Variants in VPS13D observed in about 807,000 individuals in gnomAD.
VPS13D encodes vacuolar protein sorting 13 homolog D.
A neutral mutation model predicts 461.9 loss-of-function variants in VPS13D; 187 were observed. The ratio of observed to expected loss-of-function variants is 0.40; its 90% CI spans 0.36 to 0.46. VPS13D has a LOEUF of 0.46. Among genes scored for constraint, VPS13D ranks in the 20% least tolerant of loss-of-function variants. The pLI is 0.60. For missense variants in VPS13D, 4,711 were observed against 5,364.9 expected (o/e 0.88, Z 3.81); for synonymous variants, 1,951 against 1,986.3 (o/e 0.98, Z 0.47).
intron 65 of VPS13D, among the ~76,000 whole-genome samples, chr1:12,417,621 C>T (rs981213879): frequency 1.2e-4 from 18 of 152,096 alleles, no homozygotes; most frequent in African/African-American, 3.9e-4. Flanking sequence ...GGTGTACTTG[C>T]GCCACAGGGT....
intron 67 of VPS13D, among the ~76,000 whole-genome samples, chr1:12,492,063 G>A (rs781713223): frequency 3.3e-5 from 5 of 152,170 alleles, no homozygotes; most frequent in Admixed American, 6.5e-5. Flanking sequence ...CCTCTTGTTC[G>A]GTGATCCATT....
rs1423249698 is a variant in VPS13D, at chr1:12,253,601, T to C, written c.565-121T>C. ...GCAGAAGCATGTTTTAATTGAGTTA[T>C]ATGTCCACAGCACCTTGCAAAGTAC... On this transcript the variant is annotated intron_variant, in intron 6 of 69. Transcript: ENST00000620676. 5.5e-6 allele frequency: 4 copies of C among 726,100 alleles called. No homozygotes were observed. In the East Asian group the frequency reaches 1.1e-4, roughly 20 times the overall value. The allele number at this position is 726,100 out of a possible 1,614,324, so 45.0% of individuals were successfully genotyped here.
At chr1:12,460,593 G>C (rs1645396829) in intron 67 of VPS13D, among the ~76,000 whole-genome samples, 197 bp downstream of exon 67, 1 of 150,754 alleles carries the variant, frequency 6.6e-6, no homozygotes, top group African/African-American at 2.4e-5. Context: ...AATTTTTTCA[G>C]ATAAATATAT....
At chr1:12,481,101 A>G (rs542812026) in intron 67 of VPS13D, among the ~76,000 whole-genome samples, 16 of 152,336 alleles carry the variant, frequency 1.1e-4, no homozygotes, top group East Asian at 5.8e-4. Flanking sequence ...TCTAGAGCAC[A>G]GGCTTTGTGT....
At chr1:12,298,926 C>T (rs1451039121) in intron 24 of VPS13D, among the ~76,000 whole-genome samples, 1 of 151,982 alleles carries the variant, frequency 6.6e-6, no homozygotes, top group Non-Finnish European at 1.5e-5. Flanking sequence ...TTATGTCTTC[C>T]TTATCATTTT....
intron 29 of VPS13D, 82 bp from the exon 30 acceptor site, chr1:12,314,033 C>T: frequency 7.9e-7 from 1 of 1,268,280 alleles, no homozygotes; most frequent in South Asian, 1.3e-5. Flanking sequence ...TTTGATTTTG[C>T]TCGTTATCTC....
At chr1:12,323,975 C>T (rs902854818) in intron 35 of VPS13D, among the ~76,000 whole-genome samples, 195 bp downstream of exon 35, 2 of 152,128 alleles carry the variant, frequency 1.3e-5, no homozygotes, top group Non-Finnish European at 2.9e-5. Flanking sequence ...GTGGCGCCAC[C>T]TCAGCTCACT....
Position 12,276,036 on chromosome 1 carries a change from G to T in VPS13D, c.2448G>T (p.Arg816Ser), listed in dbSNP as rs1281278122. ...TAATGAGCACAAAGATGTATGAGAG[G>T]TACTCGCTGTCATTTATGGACCTCC... ...AHLMSTKMYE[R>S]YSLSFMDLQI... Residue 816 changes from arginine to serine, a missense_variant, in exon 19 of 70, where the codon AGG (arginine) becomes AGT (serine). This residue lies in a region of VPS13D where 4,411 missense variants were observed against 4,937.8 expected (regional missense o/e 0.89). Coordinates refer to ENST00000620676, the MANE Select transcript of VPS13D (RefSeq NM_015378.4). This position sits in a 1 kb window ranked among gnomAD's most constrained non-coding sequence, Gnocchi z 4.5. 6.2e-7 allele frequency: 1 copy of T among 1,614,066 alleles called. No homozygotes were observed. Among genetic ancestry groups the T allele is most frequent in the Non-Finnish European group, 8.5e-7 (1 of 1,180,028 alleles).
chr1:12,277,607 T>C lies in VPS13D; in HGVS notation c.4019T>C (p.Val1340Ala). The C allele has an allele frequency of 6.2e-7, 1 of 1,613,978 alleles. No individual in the cohort carries two copies. Among genetic ancestry groups the C allele is most frequent in the Non-Finnish European group, 8.5e-7 (1 of 1,180,020 alleles). Residue 1340 changes from valine to alanine, a missense_variant, in exon 19 of 70, where the codon GTA becomes GCA. By Grantham distance (64) the Val-to-Ala change is moderately conservative. Coordinates refer to ENST00000620676, the MANE Select transcript of VPS13D (RefSeq NM_015378.4). ...ATKTAEYSEM[V>A]SLFETPRKTR... Reference sequence around the variant, plus strand: ...AAGACTGCCGAGTATAGCGAGATGGTATCGCTCTTTGAAACTCCAAGGAAG... The same window carrying C: ...AAGACTGCCGAGTATAGCGAGATGGCATCGCTCTTTGAAACTCCAAGGAAG...
At chr1:12,384,793 T>C (rs1003603209) in intron 58 of VPS13D, among the ~76,000 whole-genome samples, 2 of 152,162 alleles carry the variant, frequency 1.3e-5, no homozygotes, top group Admixed American at 6.5e-5. Context: ...TAATTACTTT[T>C]CATTTTTTGT....
chr1:12,321,779 A>G lies in VPS13D; in HGVS notation c.7549-30A>G. 1.9e-6 allele frequency: 3 copies of G among 1,582,306 alleles called. No homozygotes were observed. In the African/African-American group the frequency reaches 4.1e-5, roughly 22 times the overall value. ...TGGACCCTTCCTAAATCAGACATTA[A>G]TTCTCGCCATATTGCATTTCATTCT... is the stretch of plus-strand genomic sequence containing the variant. On this transcript the variant is annotated intron_variant, in intron 32 of 69. Transcript: ENST00000620676.
intron 47 of VPS13D, among the ~76,000 whole-genome samples, chr1:12,354,981 G>A (rs1321781607): frequency 6.6e-6 from 1 of 152,222 alleles, no homozygotes; most frequent in Admixed American, 6.5e-5. Context: ...AGCAGATTCA[G>A]AGAGACTCCA....
intron 27 of VPS13D, among the ~76,000 whole-genome samples, chr1:12,308,991 G>T (rs1032932081): frequency 3.9e-5 from 6 of 152,106 alleles, no homozygotes; most frequent in Non-Finnish European, 5.9e-5. Flanking sequence ...GAATCTTAAC[G>T]TGGAAATCAG....
At position 12,456,027 on chromosome 1, in the gene VPS13D, G is replaced by A. The variant is rs754639157; in HGVS notation, c.12363G>A (p.Gly4121=). 1.2e-6 allele frequency: 2 copies of A among 1,613,302 alleles called. No homozygotes were observed. The highest frequency in any genetic ancestry group is 1.7e-6 in the Non-Finnish European group (2 of 1,179,664). The change falls in exon 66 of 70, where the codon GGG becomes GGA. Residue 4121 remains glycine (G), a synonymous_variant. Coordinates refer to ENST00000620676, the MANE Select transcript of VPS13D (RefSeq NM_015378.4). ...KFAGTLSDGL[G]KTMDNRHQSE... ...CTGGAACATTATCAGATGGCTTAGG[G>A]AAGACGATGGACAATCGGCATCAGT...
In VPS13D at chr1:12,473,009, A is replaced by G. The variant is rs1248496502; in HGVS notation, c.12662+12613A>G. Among the ~76,000 whole-genome samples, 1 of 152,184 alleles carries G rather than the reference A, an allele frequency of 6.6e-6. No individual in the cohort carries two copies. Among genetic ancestry groups the G allele is most frequent in the Admixed American group, 6.5e-5 (1 of 15,276 alleles). On this transcript the variant is annotated intron_variant, in intron 67 of 69. Transcript: ENST00000620676. This position sits in a 1 kb window ranked among gnomAD's most constrained non-coding sequence, Gnocchi z 4.2. ...CTCATTCTGTGTGTTGTAAAGAAACAGGTTGTGGAAGGCTCTTGTCAGATC... is the reference window on the plus strand; with the variant it reads ...CTCATTCTGTGTGTTGTAAAGAAACGGGTTGTGGAAGGCTCTTGTCAGATC...
chr1:12,265,187 T>C (rs1641230272), intron 13 of VPS13D, among the ~76,000 whole-genome samples: 1 of 152,238 alleles, frequency 6.6e-6, no homozygotes, highest in Non-Finnish European at 1.5e-5. Context: ...TCAAGAGCTC[T>C]GCTGGGAGAA....
chr1:12,280,500 C>CTTTT (rs774648603), intron 20 of VPS13D, among the ~76,000 whole-genome samples: 1 of 139,790 alleles, frequency 7.2e-6, no homozygotes, highest in Admixed American at 7.4e-5. Flanking sequence ...TGTTGACTTA[C>CTTTT]TTTTTTTTTT....
chr1:12,392,486 A>G (rs913982920), intron 60 of VPS13D, among the ~76,000 whole-genome samples: 1 of 151,810 alleles, frequency 6.6e-6, no homozygotes, highest in Admixed American at 6.6e-5. Context: ...TCAAAAAAAA[A>G]AAGTCCGTGA....
intron 50 of VPS13D, among the ~76,000 whole-genome samples, chr1:12,361,371 T>A (rs183417455): frequency 2.8e-5 from 4 of 142,180 alleles, no homozygotes; most frequent in African/African-American, 1.1e-4. Flanking sequence ...TTATTTTTAT[T>A]TTTATTTATT....
Sources: gnomAD v4.1 joint callset for allele counts (sites outside exome capture counted in the v4.1 genomes callset) on GRCh38, gnomAD v4.1.1 for gene constraint, gnomAD v4.1.1 regional missense constraint, Gnocchi (gnomAD v3.1) non-coding constraint, MANE v1.5 for transcripts, NCBI Gene and HGNC (gene_info 2026-07-23, HGNC 2026-07-21) for gene names.